NELL1: variants seen among roughly 807,000 people sequenced by gnomAD.
NELL1 encodes the protein neural EGFL like 1.
Under a neutral mutation model 107.4 loss-of-function variants are expected in NELL1, and 76 were observed. That is an observed-to-expected ratio of 0.71 (90% CI 0.59 to 0.86). The LOEUF (loss-of-function observed/expected upper bound fraction) is 0.86. NELL1 is among the 40% of genes least tolerant of loss of function. The pLI, the probability that NELL1 is intolerant of heterozygous loss-of-function variation, is 0.00. For synonymous variants in NELL1, 353 were observed against 341.2 expected (o/e 1.03, Z -0.38); for missense variants, 1,024 against 1,005.5 (o/e 1.02, Z -0.25).
chr11:20,975,873 A>G (rs1373929995), intron 12 of NELL1, among the ~76,000 whole-genome samples: 1 of 125,850 alleles, frequency 7.9e-6, no homozygotes, highest in Admixed American at 8.1e-5. Flanking sequence ...TATTATATAT[A>G]CACATACATG....
At chr11:21,303,796 G>T (rs1476673047) in intron 14 of NELL1, among the ~76,000 whole-genome samples, 1 of 151,996 alleles carries the variant, frequency 6.6e-6, no homozygotes, top group Non-Finnish European at 1.5e-5. Flanking sequence ...TAAGAAAACA[G>T]AAACATGTTT....
intron 12 of NELL1, among the ~76,000 whole-genome samples, chr11:21,084,390 A>G (rs1465910110): frequency 6.6e-6 from 1 of 152,230 alleles, no homozygotes; most frequent in East Asian, 1.9e-4. Context: ...CACCTACTGC[A>G]TATGATTGCT....
intron 13 of NELL1, among the ~76,000 whole-genome samples, chr11:21,210,920 T>TA (rs542289173): frequency 6.6e-6 from 1 of 152,190 alleles, no homozygotes; most frequent in Non-Finnish European, 1.5e-5. Context: ...CAAAGCTTTT[T>TA]ATCTCTGTCC....
At chr11:20,760,806 A>C (rs540899764) in intron 2 of NELL1, among the ~76,000 whole-genome samples, 34 of 152,320 alleles carry the variant, frequency 2.2e-4, no homozygotes, top group Admixed American at 3.3e-4. Context: ...ACTAAATCTG[A>C]AGTATGGTGC....
intron 14 of NELL1, among the ~76,000 whole-genome samples, chr11:21,237,011 C>A (rs1411705785): frequency 3.9e-5 from 6 of 152,140 alleles, no homozygotes; most frequent in Non-Finnish European, 8.8e-5. Context: ...ACAGGCTGAT[C>A]TTTACTGATA....
intron 4 of NELL1, 151 bp downstream of exon 4, chr11:20,847,904 A>T (rs1316877155): frequency 2.4e-5 from 18 of 751,620 alleles, no homozygotes; most frequent in Non-Finnish European, 3.8e-5. Context: ...GACCTTAGGC[A>T]TGCTGAAATG....
chr11:20,850,390 A>T (rs1036859226), intron 4 of NELL1, among the ~76,000 whole-genome samples: 1 of 152,206 alleles, frequency 6.6e-6, no homozygotes, highest in Non-Finnish European at 1.5e-5. Flanking sequence ...AAAGGAGATG[A>T]TGTTAGATAA....
At position 21,443,771 on chromosome 11, in the gene NELL1, AC is replaced by A. The variant is rs539163994; in HGVS notation, c.1645+72826del. On this transcript the variant is annotated intron_variant, in intron 15 of 19. Transcript: ENST00000357134. ...AGGCTGAGACAGGAGAATTACTTGAACCCAGGAGGCAGAGGTTGCAGTAAGA... is the reference window on the plus strand; with the variant it reads ...AGGCTGAGACAGGAGAATTACTTGAACCAGGAGGCAGAGGTTGCAGTAAGA... Among the ~76,000 whole-genome samples, 10 of 151,666 alleles carry A rather than the reference AC, an allele frequency of 6.6e-5. No individual in the cohort carries two copies. The South Asian group carries it at 2.1e-3, about 32-fold the overall frequency.
intron 3 of NELL1, among the ~76,000 whole-genome samples, chr11:20,836,207 C>T (rs1234985193): frequency 1.3e-5 from 2 of 149,974 alleles, no homozygotes; most frequent in African/African-American, 4.9e-5. Context: ...TATCATTTAT[C>T]ATTAGGGAAA....
chr11:21,546,374 A>G (rs533052458), intron 16 of NELL1, among the ~76,000 whole-genome samples: 64 of 152,130 alleles, frequency 4.2e-4, no homozygotes, highest in Middle Eastern at 6.8e-3. Context: ...TGTTAGAGCC[A>G]AAGATCATGT....
chr11:20,794,586 C>T (rs1857135211), intron 3 of NELL1, among the ~76,000 whole-genome samples: 1 of 152,016 alleles, frequency 6.6e-6, no homozygotes, highest in Non-Finnish European at 1.5e-5. Context: ...TTGATAATAC[C>T]TGGTGATTTT....
At chr11:21,132,778 T>G (rs1172915866) in intron 13 of NELL1, among the ~76,000 whole-genome samples, 20 of 136,970 alleles carry the variant, frequency 1.5e-4, no homozygotes, top group African/African-American at 2.5e-4. Flanking sequence ...AGCAGTGGGG[T>G]GGGGGAGGGG....
chr11:20,722,897 G>C (rs551723280), intron 2 of NELL1, among the ~76,000 whole-genome samples: 1 of 152,256 alleles, frequency 6.6e-6, no homozygotes, highest in Admixed American at 6.5e-5. Context: ...TGCTTGGCTG[G>C]GGTGGCCTCA....
chr11:20,838,981 T>A (rs1246354289), intron 3 of NELL1, among the ~76,000 whole-genome samples: 3 of 152,160 alleles, frequency 2.0e-5, no homozygotes, highest in Admixed American at 6.5e-5. Flanking sequence ...TTAATAAATG[T>A]TTTTATTTGA....
intron 15 of NELL1, among the ~76,000 whole-genome samples, chr11:21,497,256 T>C (rs1294087366): frequency 6.6e-6 from 1 of 151,984 alleles, no homozygotes; most frequent in Non-Finnish European, 1.5e-5. Flanking sequence ...TGTATACATA[T>C]GTAACAAACC....
chr11:20,853,734 T>C (rs1848831244), intron 4 of NELL1, among the ~76,000 whole-genome samples: 1 of 152,236 alleles, frequency 6.6e-6, no homozygotes, highest in Admixed American at 6.5e-5. Flanking sequence ...TAATGTGTAA[T>C]GTAGATTCAC....
intron 3 of NELL1, among the ~76,000 whole-genome samples, chr11:20,802,819 A>T (rs1857306135): frequency 6.6e-6 from 1 of 152,178 alleles, no homozygotes; most frequent in African/African-American, 2.4e-5. Context: ...GCATCAAGTG[A>T]AGTGATTGTA....
intron 3 of NELL1, among the ~76,000 whole-genome samples, chr11:20,790,173 TCC>T (rs1857046118): frequency 6.6e-6 from 1 of 152,178 alleles, no homozygotes; most frequent in African/African-American, 2.4e-5. Context: ...GCCAGCCACT[TCC>T]ACCCAGGAAC....
Position 21,551,291 on chromosome 11 carries a change from G to A in NELL1, c.1787-8898G>A, listed in dbSNP as rs946685521. ...ATACAATCATGTCATCTGCAAACAG[G>A]GACAATTTGACTTCCTCTTTTCCTA... On this transcript the variant is annotated intron_variant, in intron 16 of 19. Coordinates refer to ENST00000357134, the MANE Select transcript of NELL1 (RefSeq NM_006157.5). Among the ~76,000 whole-genome samples the A allele has an allele frequency of 5.9e-5, 9 of 151,992 alleles. No individual in the cohort carries two copies. The South Asian group carries it at 1.2e-3, about 21-fold the overall frequency.
Sources: gnomAD v4.1 joint callset for allele counts (sites outside exome capture counted in the v4.1 genomes callset) on GRCh38, gnomAD v4.1.1 for gene constraint, MANE v1.5 for transcripts, NCBI Gene and HGNC (gene_info 2026-07-23, HGNC 2026-07-21) for gene names.